Variants in TNRC6B observed in about 807,000 individuals in gnomAD.
The protein encoded by TNRC6B is trinucleotide repeat-containing gene 6B protein.
Under a neutral mutation model 203.6 loss-of-function variants are expected in TNRC6B, and 52 were observed. The ratio of observed to expected loss-of-function variants is 0.26; its 90% CI spans 0.20 to 0.32. The LOEUF is 0.32. Ranked by LOEUF, TNRC6B falls within the 10% of genes least tolerant of loss-of-function variation. The pLI is 1.00. For synonymous variants in TNRC6B, 838 were observed against 845.7 expected (o/e 0.99, Z 0.16); for missense variants, 1,923 against 2,286.2 (o/e 0.84, Z 3.24).
In TNRC6B at chr22:40,187,342, A is replaced by G. The variant is rs1309765203; in HGVS notation, c.5+9202A>G. 4.6e-5 allele frequency among the ~76,000 whole-genome samples: 7 copies of G among 152,328 alleles called. No individual in the cohort carries two copies. In the East Asian group the frequency reaches 1.2e-3, roughly 25 times the overall value. On this transcript the variant is annotated intron_variant, in intron 1 of 22. Transcript: ENST00000454349. ...TAGAATTTAGAAGGGTCAAATCTCT[A>G]ATTTTGAATGTGAGGAGACAAACTT...
At chr22:40,087,529 T>C (rs541941124) in intron 1 of TNRC6B, among the ~76,000 whole-genome samples, 18 of 152,216 alleles carry the variant, frequency 1.2e-4, no homozygotes, top group African/African-American at 3.9e-4. Flanking sequence ...CAAACACTGG[T>C]AAGTGCATTT....
chr22:40,253,132 C>G (rs2070218739), intron 3 of TNRC6B, among the ~76,000 whole-genome samples: 1 of 148,572 alleles, frequency 6.7e-6, no homozygotes, highest in Non-Finnish European at 1.5e-5. Flanking sequence ...GAGTCTCGCT[C>G]TGTCACCCAG....
chr22:40,313,563 G>A (rs1042493733), intron 19 of TNRC6B, among the ~76,000 whole-genome samples: 6 of 152,232 alleles, frequency 3.9e-5, no homozygotes, highest in African/African-American at 1.4e-4. Flanking sequence ...TGAGCATAGT[G>A]CCTTACTGAT....
intron 4 of TNRC6B, among the ~76,000 whole-genome samples, chr22:40,160,586 A>G (rs2068863736): frequency 6.6e-6 from 1 of 151,994 alleles, no homozygotes; most frequent in South Asian, 2.1e-4. Context: ...TGGTTGATTG[A>G]TTGACTGATT....
Position 40,185,175 on chromosome 22 carries a change from G to T in TNRC6B, c.5+7035G>T, listed in dbSNP as rs111256904. On this transcript the variant is annotated intron_variant, in intron 1 of 22. Transcript: ENST00000454349. ...CCAGCTAATTTTTGTATTTTTAGTA[G>T]AGACGAGGTTTCACCATGTTGGCCA... Among the ~76,000 whole-genome samples the T allele has an allele frequency of 3.2e-4, 49 of 152,232 alleles. 1 individual carries two copies. Among genetic ancestry groups the T allele is most frequent in the African/African-American group, 1.2e-3 (48 of 41,542 alleles).
At chr22:40,261,389 C>G (rs1359747844) in intron 3 of TNRC6B, among the ~76,000 whole-genome samples, 1 of 152,102 alleles carries the variant, frequency 6.6e-6, no homozygotes, top group Non-Finnish European at 1.5e-5. Context: ...CCAGCCTGGT[C>G]AACATAGTGA....
chr22:40,285,467 G>C (rs559760781), intron 11 of TNRC6B, among the ~76,000 whole-genome samples, 178 bp from the exon 12 acceptor site: 1 of 152,002 alleles, frequency 6.6e-6, no homozygotes, highest in South Asian at 2.1e-4. Flanking sequence ...GTGCCCATGA[G>C]TCAATCTGAG....
At chr22:40,227,827 A>G (rs571409505) in intron 1 of TNRC6B, among the ~76,000 whole-genome samples, 1 of 152,314 alleles carries the variant, frequency 6.6e-6, no homozygotes, top group African/African-American at 2.4e-5. Flanking sequence ...AAAACACCTG[A>G]ATGTTTAGAA....
intron 15 of TNRC6B, among the ~76,000 whole-genome samples, chr22:40,302,346 C>T (rs764734873): frequency 3.3e-5 from 5 of 152,132 alleles, no homozygotes; most frequent in Non-Finnish European, 7.4e-5. Context: ...ACTCAAAAAA[C>T]GAGTTGGGCC....
At chr22:40,156,202 A>G in intron 4 of TNRC6B, 1 of 1,557,834 alleles carries the variant, frequency 6.4e-7, no homozygotes, top group Non-Finnish European at 8.7e-7. Flanking sequence ...AGTTTATTTA[A>G]AAAGAGTCCT....
At chr22:40,090,359 C>T (rs973670771) in intron 1 of TNRC6B, among the ~76,000 whole-genome samples, 1 of 151,122 alleles carries the variant, frequency 6.6e-6, no homozygotes, top group African/African-American at 2.4e-5. Context: ...TGTCAGTGTT[C>T]TGCATTTTGG....
At chr22:40,149,951 A>G (rs1307413450) in intron 3 of TNRC6B, among the ~76,000 whole-genome samples, 2 of 151,918 alleles carry the variant, frequency 1.3e-5, no homozygotes, top group Non-Finnish European at 2.9e-5. Context: ...GGCATGAGCT[A>G]CTGCACCTGG....
chr22:40,133,826 C>T (rs995231569), intron 3 of TNRC6B, among the ~76,000 whole-genome samples: 17 of 151,644 alleles, frequency 1.1e-4, no homozygotes, highest in African/African-American at 2.9e-4. Flanking sequence ...AAAAATTAGC[C>T]AGGCATGGTG....
Position 40,265,975 on chromosome 22 carries a change from G to A in TNRC6B, c.1745G>A (p.Ser582Asn), listed in dbSNP as rs185350408. 1.0e-3 allele frequency: 1,609 copies of A among 1,614,012 alleles called. 3 individuals are homozygous for A. Among genetic ancestry groups the A allele is most frequent in the Non-Finnish European group, 8.4e-4 (994 of 1,179,904 alleles). Reference sequence around the variant, plus strand: ...ACTGGAAGCAACCACAAAGCAGGAAGTAGTGACAGTCATAACTCTGGCCGT... The same window carrying A: ...ACTGGAAGCAACCACAAAGCAGGAAATAGTGACAGTCATAACTCTGGCCGT... ...QSTGSNHKAG[S>N]SDSHNSGRRS... The change falls in exon 5 of 23, where the codon AGT becomes AAT. Residue 582 changes from serine (S) to asparagine (N), a missense_variant. This residue lies in a region of TNRC6B where 614 missense variants were observed against 587.7 expected (regional missense o/e 1.04). Transcript: ENST00000454349.
intron 3 of TNRC6B, 117 bp from the exon 4 acceptor site, chr22:40,261,715 C>G: frequency 1.1e-6 from 1 of 918,794 alleles, no homozygotes. Context: ...TCAAGACCAG[C>G]ATGGGCAACA....
At chr22:40,271,232 T>TTA (rs1384650330) in intron 6 of TNRC6B, among the ~76,000 whole-genome samples, 1 of 152,244 alleles carries the variant, frequency 6.6e-6, no homozygotes, top group East Asian at 1.9e-4. Flanking sequence ...AGGTGCCTGT[T>TTA]TACACTTACT....
chr22:40,266,678 G>T lies in TNRC6B; in HGVS notation c.2448G>T (p.Trp816Cys), dbSNP rs756106910. The change falls in exon 5 of 23, where the codon TGG (tryptophan) becomes TGT (cysteine). Residue 816 changes from tryptophan (W) to cysteine (C), a missense_variant. Around this residue, in one of 8 missense-constraint regions of TNRC6B, gnomAD observed 599 missense variants for 656.5 expected, o/e 0.91. Coordinates refer to ENST00000454349, the MANE Select transcript of TNRC6B (RefSeq NM_001162501.2). ...AGACGGGCCGACAGCCCAATTCCTG[G>T]AATAAACAACACCAACAGCAGCAGC... is the stretch of plus-strand genomic sequence containing the variant. ...WNETGRQPNS[W>C]NKQHQQQQPP... The T allele has an allele frequency of 2.7e-5, 44 of 1,613,670 alleles. No individual in the cohort carries two copies. The highest frequency in any genetic ancestry group is 3.6e-5 in the Non-Finnish European group (42 of 1,179,794).
At chr22:40,128,572 GGCTCACA>G (rs199537024) in intron 3 of TNRC6B, among the ~76,000 whole-genome samples, 80 of 146,580 alleles carry the variant, frequency 5.5e-4, no homozygotes, top group East Asian at 2.9e-3. Context: ...CACGGCTCAC[GGCTCACA>G]GCTCACAGCT....
chr22:40,117,307 A>G (rs2068396930), intron 2 of TNRC6B, among the ~76,000 whole-genome samples: 1 of 152,210 alleles, frequency 6.6e-6, no homozygotes, highest in African/African-American at 2.4e-5. Context: ...TTTTAAAAGC[A>G]CTGGTATTTA....
Sources: allele counts gnomAD v4.1 joint callset (sites outside exome capture counted in the v4.1 genomes callset), GRCh38; gene constraint gnomAD v4.1.1; regional missense constraint gnomAD v4.1.1; transcripts MANE v1.5; gene names NCBI Gene and HGNC (gene_info 2026-07-23, HGNC 2026-07-21).